The following ZFAT variants were observed in gnomAD, a reference collection of about 807,000 sequenced individuals.
ZFAT encodes the protein zinc finger protein ZFAT.
A neutral mutation model predicts 117.7 loss-of-function variants in ZFAT; 64 were observed. The ratio of observed to expected loss-of-function variants is 0.54; its 90% confidence interval spans 0.44 to 0.67. The LOEUF is 0.67. Among genes scored for constraint, ZFAT ranks in the 30% least tolerant of loss-of-function variants. The pLI, the probability that ZFAT is intolerant of heterozygous loss-of-function variation, is 0.00. For missense variants in ZFAT, 1,433 were observed against 1,584.5 expected (o/e 0.90, Z 1.62); for synonymous variants, 679 against 615.0 (o/e 1.10, Z -1.54).
chr8:134,597,388 T>C (rs1827039945), intron 7 of ZFAT, among the ~76,000 whole-genome samples: 1 of 152,164 alleles, frequency 6.6e-6, no homozygotes, highest in Non-Finnish European at 1.5e-5. Context: ...CTGGAGTAAA[T>C]ACAAATAGCT....
At chr8:134,517,301 T>C (rs1820322633) in intron 13 of ZFAT, among the ~76,000 whole-genome samples, 1 of 151,974 alleles carries the variant, frequency 6.6e-6, no homozygotes, top group Admixed American at 6.6e-5. Context: ...ATATTTTATA[T>C]ATAATCAGAG....
the ZFAT span, among the ~76,000 whole-genome samples, chr8:134,825,911 C>G: frequency 1.3e-5 from 2 of 151,814 alleles, no homozygotes; most frequent in Admixed American, 6.6e-5. Context: ...GTCCCAGCTA[C>G]TCAGGAGGCT....
intron 7 of ZFAT, chr8:134,597,734 G>A (rs1167162980): frequency 1.3e-5 from 2 of 152,114 alleles, no homozygotes; most frequent in Non-Finnish European, 1.5e-5. Context: ...GGCTGGCTTT[G>A]GAAGCAGCGG....
intron 13 of ZFAT, among the ~76,000 whole-genome samples, chr8:134,515,750 G>C (rs1820208653): frequency 6.6e-6 from 1 of 152,122 alleles, no homozygotes; most frequent in Non-Finnish European, 1.5e-5. Context: ...CTCCCATTCT[G>C]TAGGTTGAAT....
At chr8:134,590,670 CAACCAA>C in intron 7 of ZFAT, among the ~76,000 whole-genome samples, 16 of 150,736 alleles carry the variant, frequency 1.1e-4, no homozygotes, top group African/African-American at 3.7e-4. Flanking sequence ...AACACCACCA[CAACCAA>C]CACCACCACC....
chr8:134,548,185 C>A (rs1392939737), intron 11 of ZFAT, among the ~76,000 whole-genome samples: 1 of 152,224 alleles, frequency 6.6e-6, no homozygotes, highest in African/African-American at 2.4e-5. Flanking sequence ...TTAAGCACTG[C>A]ATAGGTGCTG....
the ZFAT span, among the ~76,000 whole-genome samples, chr8:134,772,118 G>A: frequency 6.6e-6 from 1 of 152,186 alleles, no homozygotes; most frequent in African/African-American, 2.4e-5. Context: ...CCTATTATAT[G>A]AGACACAACA....
chr8:134,704,308 T>C (rs913315713), intron 1 of ZFAT, among the ~76,000 whole-genome samples: 4 of 152,104 alleles, frequency 2.6e-5, no homozygotes, highest in African/African-American at 9.7e-5. Flanking sequence ...CAGGAGGAAA[T>C]TGAAGATTAC....
At chr8:134,805,871 G>A in the ZFAT span, among the ~76,000 whole-genome samples, 2 of 152,042 alleles carry the variant, frequency 1.3e-5, no homozygotes, top group African/African-American at 4.8e-5. Context: ...CCAGCTATTC[G>A]GGAGGCTGAG....
At chr8:134,529,799 A>G (rs866003473) in intron 12 of ZFAT, among the ~76,000 whole-genome samples, 1 of 152,330 alleles carries the variant, frequency 6.6e-6, no homozygotes, top group African/African-American at 2.4e-5. Flanking sequence ...GAAATTGGCA[A>G]ATTCTACAAG....
chr8:134,733,319 C>A, the ZFAT span, among the ~76,000 whole-genome samples: 1 of 152,164 alleles, frequency 6.6e-6, no homozygotes, highest in Non-Finnish European at 1.5e-5. Flanking sequence ...CAAAATGAGC[C>A]AATATCACGC....
At chr8:134,510,819 C>T (rs1176867083) in intron 14 of ZFAT, 1 of 152,354 alleles carries the variant, frequency 6.6e-6, no homozygotes, top group Non-Finnish European at 1.5e-5. Flanking sequence ...CCTTCCCCCT[C>T]ACCCCCCGAC....
chr8:134,674,215 G>A (rs1041970038), intron 1 of ZFAT, among the ~76,000 whole-genome samples: 23 of 152,288 alleles, frequency 1.5e-4, no homozygotes, highest in Admixed American at 3.9e-4. Context: ...AGGCTGTACC[G>A]GGAGGAATGG....
intron 11 of ZFAT, among the ~76,000 whole-genome samples, chr8:134,543,087 T>C (rs939173764): frequency 6.7e-6 from 1 of 150,230 alleles, no homozygotes; most frequent in Non-Finnish European, 1.5e-5. Flanking sequence ...TGCCCACACC[T>C]CTCTGTGATA....
At chr8:134,807,722 AAAAAAAC>A in the ZFAT span, among the ~76,000 whole-genome samples, 2 of 151,878 alleles carry the variant, frequency 1.3e-5, no homozygotes, top group African/African-American at 2.4e-5. Context: ...ATGGAAAAAA[AAAAAAAC>A]AAAAAACACA....
At position 134,583,509 on chromosome 8, in the gene ZFAT, G is replaced by A. The variant is rs529596610; in HGVS notation, c.2887+323C>T. Among the ~76,000 whole-genome samples the A allele has an allele frequency of 1.4e-4, 21 of 152,188 alleles. 1 individual carries two copies. In the South Asian group the frequency reaches 3.5e-3, roughly 26 times the overall value. ...CCTTGAGCTCCAGGTGGTGATGGAG[G>A]GCTAAAAAGGATGGAAACTTCGGAA... On this transcript the variant is annotated intron_variant, in intron 10 of 15. Transcript: ENST00000377838.
At chr8:134,661,825 G>T (rs1380018354) in intron 1 of ZFAT, among the ~76,000 whole-genome samples, 1 of 152,194 alleles carries the variant, frequency 6.6e-6, no homozygotes, top group Admixed American at 6.5e-5. Context: ...GTGGTTGTGG[G>T]CAGGACATCA....
At chr8:134,812,737 A>C in the ZFAT span, among the ~76,000 whole-genome samples, 1 of 152,220 alleles carries the variant, frequency 6.6e-6, no homozygotes, top group African/African-American at 2.4e-5. Context: ...CTCTGTCTCA[A>C]TCAATCAGTC....
chr8:134,808,866 T>C, the ZFAT span, among the ~76,000 whole-genome samples: 1 of 152,224 alleles, frequency 6.6e-6, no homozygotes, highest in African/African-American at 2.4e-5. Flanking sequence ...CCATTTCAGA[T>C]GTTGTGACTA....
Sources: gnomAD v4.1 joint callset for allele counts (sites outside exome capture counted in the v4.1 genomes callset) on GRCh38, gnomAD v4.1.1 for gene constraint, MANE v1.5 for transcripts, NCBI Gene and HGNC (gene_info 2026-07-23, HGNC 2026-07-21) for gene names.